The following FHOD3 variants were observed in gnomAD, a reference collection of about 807,000 sequenced individuals.
The protein encoded by FHOD3 is formin homology 2 domain containing 3.
A neutral mutation model predicts 173.0 loss-of-function variants in FHOD3; 90 were observed. That is an observed-to-expected ratio of 0.52 (90% CI 0.44 to 0.62). FHOD3 has a LOEUF of 0.62. Among genes scored for constraint, FHOD3 ranks in the 20% least tolerant of loss-of-function variants. FHOD3 has a pLI of 0.00. For synonymous variants in FHOD3, 828 were observed against 823.0 expected (o/e 1.01, Z -0.10); for missense variants, 1,945 against 2,034.7 (o/e 0.96, Z 0.85).
Position 36,687,129 on chromosome 18 carries a change from C to T in FHOD3, c.1972C>T (p.Arg658Ter), listed in dbSNP as rs150153026. 1 of 1,607,132 alleles carries T rather than the reference C, an allele frequency of 6.2e-7. No homozygotes were observed. Residue 658 changes from arginine to a stop codon, truncating the protein, a stop_gained and splice_region_variant, in exon 16 of 29, where the codon CGA becomes TGA. Coordinates refer to ENST00000590592, the MANE Select transcript of FHOD3 (RefSeq NM_001281740.3). LOFTEE classifies it high-confidence loss of function. The part of the protein sequence containing the change: ...IEREERNKFS[R>*]DYLDKREEQR... Reference sequence around the variant, plus strand: ...GTTTGTTCTACATATTTCCATTAGCCGAGATTATTTAGACAAAAGAGAGGA... The same window carrying T: ...GTTTGTTCTACATATTTCCATTAGCTGAGATTATTTAGACAAAAGAGAGGA...
chr18:36,401,213 C>T (rs1598974530), intron 3 of FHOD3, among the ~76,000 whole-genome samples: 1 of 152,104 alleles, frequency 6.6e-6, no homozygotes, highest in South Asian at 2.1e-4. Flanking sequence ...GTTCCACCCT[C>T]ATGAATGGAA....
intron 3 of FHOD3, among the ~76,000 whole-genome samples, chr18:36,499,662 C>T (rs2054927533): frequency 6.6e-6 from 1 of 152,172 alleles, no homozygotes; most frequent in Non-Finnish European, 1.5e-5. Flanking sequence ...AGGCGTGATG[C>T]AGTAGGAAAC....
At chr18:36,691,634 G>A (rs2038969155) in intron 16 of FHOD3, among the ~76,000 whole-genome samples, 3 of 152,208 alleles carry the variant, frequency 2.0e-5, no homozygotes, top group African/African-American at 7.2e-5. Context: ...GGCCAAGCCT[G>A]AAGTGTTTGT....
intron 19 of FHOD3, among the ~76,000 whole-genome samples, chr18:36,720,718 CTCT>C (rs1302026549): frequency 7.2e-6 from 1 of 138,692 alleles, no homozygotes; most frequent in Admixed American, 7.6e-5. Flanking sequence ...CCTCCTCCTT[CTCT>C]TCCTCCTTCT....
At chr18:36,574,638 T>C (rs1045173166) in intron 5 of FHOD3, among the ~76,000 whole-genome samples, 1 of 152,152 alleles carries the variant, frequency 6.6e-6, no homozygotes, top group African/African-American at 2.4e-5. Flanking sequence ...ATTTTTTTAT[T>C]GTATCTATAA....
chr18:36,508,094 A>G (rs2055404300), intron 4 of FHOD3, among the ~76,000 whole-genome samples: 1 of 152,154 alleles, frequency 6.6e-6, no homozygotes, highest in African/African-American at 2.4e-5. Flanking sequence ...CAATAATCAT[A>G]TTGGTGGTGA....
At chr18:36,595,264 C>T (rs1244520582) in intron 7 of FHOD3, among the ~76,000 whole-genome samples, 2 of 152,098 alleles carry the variant, frequency 1.3e-5, no homozygotes, top group African/African-American at 2.4e-5. Flanking sequence ...TTGCTTATGA[C>T]CCCCAGATGT....
At chr18:36,714,584 A>G (rs2040349361) in intron 18 of FHOD3, among the ~76,000 whole-genome samples, 1 of 152,200 alleles carries the variant, frequency 6.6e-6, no homozygotes, top group Non-Finnish European at 1.5e-5. Context: ...TGTTCCCAAA[A>G]TAAGAAAATG....
intron 1 of FHOD3, among the ~76,000 whole-genome samples, chr18:36,339,081 G>A (rs2045479421): frequency 6.6e-6 from 1 of 152,118 alleles, no homozygotes; most frequent in African/African-American, 2.4e-5. Flanking sequence ...GGGGCCCCAG[G>A]TTCCTGCATC....
intron 3 of FHOD3, among the ~76,000 whole-genome samples, chr18:36,459,267 C>T (rs1438304917): frequency 6.6e-6 from 1 of 152,150 alleles, no homozygotes; most frequent in Admixed American, 6.5e-5. Context: ...GATACATACA[C>T]AACAGAGTAA....
At chr18:36,719,163 A>G (rs1056339952) in intron 19 of FHOD3, among the ~76,000 whole-genome samples, 12 of 152,270 alleles carry the variant, frequency 7.9e-5, no homozygotes, top group African/African-American at 2.4e-4. Context: ...GCTCAAAGGC[A>G]ATAATCCAAC....
chr18:36,383,318 C>A (rs868717145), intron 3 of FHOD3, among the ~76,000 whole-genome samples: 35 of 152,294 alleles, frequency 2.3e-4, no homozygotes, highest in African/African-American at 8.4e-4. Flanking sequence ...ACATCTGAGG[C>A]TGGAGGAGTT....
intron 3 of FHOD3, among the ~76,000 whole-genome samples, chr18:36,494,844 CT>C (rs1013168521): frequency 2.0e-4 from 30 of 151,782 alleles, no homozygotes; most frequent in African/African-American, 7.0e-4. Context: ...TACTGTTATA[CT>C]TTTTTTTTGT....
intron 3 of FHOD3, among the ~76,000 whole-genome samples, chr18:36,418,537 G>T (rs1010795085): frequency 1.1e-4 from 16 of 152,180 alleles, no homozygotes; most frequent in African/African-American, 3.1e-4. Flanking sequence ...ATGAAAGTGT[G>T]TGTGGAAGGC....
At chr18:36,420,558 C>G (rs2049934329) in intron 3 of FHOD3, among the ~76,000 whole-genome samples, 2 of 152,138 alleles carry the variant, frequency 1.3e-5, no homozygotes, top group Non-Finnish European at 2.9e-5. Flanking sequence ...ATATGGCTAG[C>G]CCTTGTTGGC....
intron 1 of FHOD3, among the ~76,000 whole-genome samples, chr18:36,310,736 A>G (rs2092236339): frequency 6.6e-6 from 1 of 152,050 alleles, no homozygotes; most frequent in Non-Finnish European, 1.5e-5. Flanking sequence ...AACTTGGGAA[A>G]AATCCACGTG....
rs1402467347 is a variant in FHOD3, at chr18:36,356,186, G to GT, written c.272+544dup. 2.6e-5 allele frequency among the ~76,000 whole-genome samples: 4 copies of GT among 152,322 alleles called. No individual in the cohort carries two copies. In the East Asian group the frequency reaches 7.7e-4, roughly 29 times the overall value. ...GTATTCAATGATAATTTACTGGATA[G>GT]TTTCTTAGCAGATGCTATAGTAGAT... On this transcript the variant is annotated intron_variant, in intron 2 of 28. Coordinates refer to ENST00000590592, the MANE Select transcript of FHOD3 (RefSeq NM_001281740.3).
At chr18:36,540,955 TA>T (rs560780572) in intron 5 of FHOD3, among the ~76,000 whole-genome samples, 67 of 152,266 alleles carry the variant, frequency 4.4e-4, no homozygotes, top group African/African-American at 1.5e-3. Context: ...AGGAGATTAT[TA>T]AAAGAAATGT....
chr18:36,658,045 C>T (rs749588602), intron 13 of FHOD3, 30 bp from the exon 14 acceptor site: 61 of 1,480,094 alleles, frequency 4.1e-5, no homozygotes, highest in Non-Finnish European at 5.2e-5. Context: ...CTATCCTTTT[C>T]CCCCCAACTT....
Sources: gnomAD v4.1 joint callset for allele counts (sites outside exome capture counted in the v4.1 genomes callset) on GRCh38, gnomAD v4.1.1 for gene constraint, MANE v1.5 for transcripts, NCBI Gene and HGNC (gene_info 2026-07-23, HGNC 2026-07-21) for gene names.